The following RP1 variants were observed in gnomAD, a reference collection of about 807,000 sequenced individuals.
RP1 encodes oxygen-regulated protein 1.
RP1 carries 16 observed loss-of-function variants against 14.8 expected under a neutral mutation model. That is an observed-to-expected ratio of 1.08 (90% confidence interval 0.73 to 1.65). The LOEUF (loss-of-function observed/expected upper bound fraction) is 1.65. RP1 is among the 40% of genes most tolerant of loss of function. RP1 has a pLI of 0.00. For missense variants in RP1, 2,631 were observed against 2,535.0 expected (o/e 1.04, Z -0.81); for synonymous variants, 876 against 883.6 (o/e 0.99, Z 0.15).
chr8:54,627,872 T>A lies in RP1; in HGVS notation c.3990T>A (p.Asp1330Glu). 1 of 1,614,182 alleles carries A rather than the reference T, an allele frequency of 6.2e-7. No homozygotes were observed. Among genetic ancestry groups the A allele is most frequent in the East Asian group, 2.2e-5 (1 of 44,886 alleles). Reference protein sequence around the residue: ...NHTYEGACPIDETYVPVNVCN... With the variant: ...NHTYEGACPIEETYVPVNVCN... ...CCTATGAGGGAGCTTGCCCAATTGA[T>A]GAGACCTACGTTCCTGTCAATGTCT... Residue 1330 changes from aspartate to glutamate, a missense_variant, in exon 4 of 4, where the codon GAT becomes GAA. Physicochemically the swap from Asp to Glu is conservative, Grantham distance 45. Coordinates refer to ENST00000220676, the MANE Select transcript of RP1 (RefSeq NM_006269.2).
chr8:54,622,747 A>G (rs1339514652), intron 3 of RP1, among the ~76,000 whole-genome samples: 1 of 152,224 alleles, frequency 6.6e-6, no homozygotes, highest in Non-Finnish European at 1.5e-5. Context: ...AAAAAATCAC[A>G]GGTTCTTAGA....
chr8:54,621,138 C>G lies in RP1; in HGVS notation c.172C>G (p.Arg58Gly). Residue 58 changes from arginine to glycine, a missense_variant, in exon 2 of 4, where the codon CGC becomes GGC. Coordinates refer to ENST00000220676, the MANE Select transcript of RP1 (RefSeq NM_006269.2). ...CGGGGTCAGGGTGGTGGTCAACCCT[C>G]GCTCCTTTAAGTCCTTTGATGCTCT... The part of the protein sequence containing the change: ...FGGVRVVVNP[R>G]SFKSFDALLD... 3.1e-6 allele frequency: 5 copies of G among 1,614,178 alleles called. No individual in the cohort carries two copies. Among genetic ancestry groups the G allele is most frequent in the Non-Finnish European group, 4.2e-6 (5 of 1,180,042 alleles).
At position 54,626,564 on chromosome 8, in the gene RP1, T is replaced by G. The variant is rs1353970700; in HGVS notation, c.2682T>G (p.Ser894=). Residue 894 remains serine, a synonymous_variant, in exon 4 of 4, where the codon TCT becomes TCG. Transcript: ENST00000220676. ...SKQHATTRAN[S]LASLKKPDFP... ...AACATGCTACAACCAGGGCAAATTC[T>G]TTAGCTTCTTTGAAAAAACCTGATT... 7 of 1,613,604 alleles carry G rather than the reference T, an allele frequency of 4.3e-6. No individual in the cohort carries two copies. The South Asian group carries it at 5.5e-5, about 13-fold the overall frequency.
intron 14 of RP1, among the ~76,000 whole-genome samples, chr8:54,701,826 A>G (rs538301650): frequency 6.6e-6 from 1 of 152,300 alleles, no homozygotes; most frequent in South Asian, 2.1e-4. Context: ...TTGAAAGGCA[A>G]TAGAGATGAC....
At chr8:54,705,292 C>T (rs910844449) in intron 14 of RP1, among the ~76,000 whole-genome samples, 11 of 152,142 alleles carry the variant, frequency 7.2e-5, no homozygotes, top group African/African-American at 2.7e-4. Flanking sequence ...AGCAAAGAGA[C>T]ACATAAGGCA....
intron 1 of RP1, among the ~76,000 whole-genome samples, chr8:54,567,072 G>A (rs1259989791): frequency 6.6e-6 from 1 of 152,168 alleles, no homozygotes; most frequent in Admixed American, 6.5e-5. Flanking sequence ...TGAACCCTGG[G>A]TGTTCCCTGA....
chr8:54,754,570 C>T (rs1327108972), intron 19 of RP1, among the ~76,000 whole-genome samples: 1 of 152,200 alleles, frequency 6.6e-6, no homozygotes, highest in Non-Finnish European at 1.5e-5. Flanking sequence ...ACTACTGCTA[C>T]TGCTACTAGT....
intron 7 of RP1, among the ~76,000 whole-genome samples, chr8:54,673,692 A>T (rs1434458012): frequency 6.6e-6 from 1 of 152,178 alleles, no homozygotes; most frequent in Admixed American, 6.5e-5. Context: ...GTGAGACAAG[A>T]TTGTGTCATT....
chr8:54,673,515 G>A (rs373340900), intron 7 of RP1, among the ~76,000 whole-genome samples: 11 of 152,188 alleles, frequency 7.2e-5, no homozygotes, highest in East Asian at 3.9e-4. Flanking sequence ...TGAGGCGGGC[G>A]GATTGCTTGA....
chr8:54,749,129 G>A (rs1809298432), intron 19 of RP1, among the ~76,000 whole-genome samples: 1 of 151,984 alleles, frequency 6.6e-6, no homozygotes, highest in Non-Finnish European at 1.5e-5. Flanking sequence ...AAAGGATCGA[G>A]ACCATCCTGG....
intron 1 of RP1, among the ~76,000 whole-genome samples, chr8:54,563,298 C>T (rs775159945): frequency 2.6e-5 from 4 of 152,142 alleles, no homozygotes; most frequent in Non-Finnish European, 5.9e-5. Flanking sequence ...CTCAGGGACA[C>T]GCTCACTCTG....
Position 54,627,078 on chromosome 8 carries a change from G to C in RP1, c.3196G>C (p.Glu1066Gln). 6.2e-7 allele frequency: 1 copy of C among 1,614,052 alleles called. No homozygotes were observed. Among genetic ancestry groups the C allele is most frequent in the South Asian group, 1.1e-5 (1 of 91,078 alleles). The change falls in exon 4 of 4, where the codon GAG (glutamate) becomes CAG (glutamine). Residue 1066 changes from glutamate to glutamine, a missense_variant. Transcript: ENST00000220676. ...INLARKRQSV[E>Q]AAIQVDPIEE... The stretch of plus-strand genomic sequence containing the variant: ...CCTAGCTAGAAAAAGGCAAAGTGTA[G>C]AGGCTGCCATTCAAGTAGATCCTAT...
chr8:54,598,324 A>T (rs183855357), intron 1 of RP1, among the ~76,000 whole-genome samples: 2 of 152,156 alleles, frequency 1.3e-5, no homozygotes, highest in Admixed American at 1.3e-4. Flanking sequence ...AACTACTCTA[A>T]GTATTAAATT....
chr8:54,750,250 G>A (rs185214181), intron 19 of RP1, among the ~76,000 whole-genome samples: 1 of 152,290 alleles, frequency 6.6e-6, no homozygotes, highest in Admixed American at 6.5e-5. Context: ...CAATAAACAT[G>A]TGTTGAGCAC....
chr8:54,659,563 T>C (rs1239671475), intron 6 of RP1, among the ~76,000 whole-genome samples: 1 of 152,180 alleles, frequency 6.6e-6, no homozygotes, highest in African/African-American at 2.4e-5. Context: ...TTTTCTGAGT[T>C]CTCTATTCTA....
At chr8:54,590,953 C>T (rs1805032356) in intron 1 of RP1, among the ~76,000 whole-genome samples, 1 of 152,192 alleles carries the variant, frequency 6.6e-6, no homozygotes, top group Non-Finnish European at 1.5e-5. Flanking sequence ...CATACCCAAA[C>T]CTAAAGGTTA....
rs1307953793 is a variant in RP1 at position 54,620,807 on chromosome 8, T to C, written c.-12-148T>C. ...AGTTCCTTAAAATTGTCGTTCAAAA[T>C]TGATAGGTATAATGAATGAATAAAT... On this transcript the variant is annotated intron_variant, in intron 1 of 3. Coordinates refer to ENST00000220676, the MANE Select transcript of RP1 (RefSeq NM_006269.2). The C allele has an allele frequency of 6.6e-6, 5 of 757,916 alleles. No individual in the cohort carries two copies. The African/African-American group carries it at 8.8e-5, about 13-fold the overall frequency. 46.9% of individuals were successfully genotyped at this position (757,916 alleles called of 1,614,324 possible). A position where few individuals can be genotyped will look rare whatever the true frequency, so the allele number is the denominator to read the frequency against.
At chr8:54,694,610 G>C (rs1585613242) in intron 12 of RP1, among the ~76,000 whole-genome samples, 1 of 151,000 alleles carries the variant, frequency 6.6e-6, no homozygotes, top group South Asian at 2.1e-4. Flanking sequence ...TTTGCGTAGA[G>C]GTGTTTGTAG....
At chr8:54,846,009 A>C (rs1811910032) in intron 25 of RP1, among the ~76,000 whole-genome samples, 1 of 152,164 alleles carries the variant, frequency 6.6e-6, no homozygotes, top group African/African-American at 2.4e-5. Flanking sequence ...TAGTGAAGTT[A>C]CTCCATTCCA....
Sources: allele counts gnomAD v4.1 joint callset (sites outside exome capture counted in the v4.1 genomes callset), GRCh38; gene constraint gnomAD v4.1.1; transcripts MANE v1.5; gene names NCBI Gene and HGNC (gene_info 2026-07-23, HGNC 2026-07-21).